GTF2F2: variants seen among roughly 807,000 people sequenced by gnomAD.
The protein encoded by GTF2F2 is general transcription factor IIF subunit 2, also known as ATP-dependent helicase GTF2F2.
GTF2F2 carries 23 observed loss-of-function variants against 42.2 expected under a neutral mutation model. The observed-to-expected ratio is 0.55, with a 90% CI of 0.39 to 0.77. The LOEUF (loss-of-function observed/expected upper bound fraction) is 0.77. Among genes scored for constraint, GTF2F2 ranks in the 30% least tolerant of loss-of-function variants. The pLI, the probability that GTF2F2 is intolerant of heterozygous loss-of-function variation, is 0.00. For missense variants in GTF2F2, 261 were observed against 287.2 expected, an observed-to-expected ratio of 0.91 and a Z score of 0.66; for synonymous variants, 105 against 100.8, an observed-to-expected ratio of 1.04 and a Z score of -0.25.
chr13:45,281,108 AT>A (rs939987666), intron 7 of GTF2F2, among the ~76,000 whole-genome samples: 8 of 152,198 alleles, frequency 5.3e-5, no homozygotes, highest in African/African-American at 1.9e-4. Flanking sequence ...GCAGACTTGC[AT>A]TTTATATTAC....
At chr13:45,163,135 A>G (rs1871116110) in intron 4 of GTF2F2, among the ~76,000 whole-genome samples, 1 of 152,128 alleles carries the variant, frequency 6.6e-6, no homozygotes, top group Non-Finnish European at 1.5e-5. Context: ...TAGCTTGAGT[A>G]GAGATTTTTT....
intron 2 of GTF2F2, among the ~76,000 whole-genome samples, chr13:45,141,577 A>T (rs1246903426): frequency 1.3e-5 from 2 of 152,164 alleles, no homozygotes; most frequent in African/African-American, 4.8e-5. Context: ...TAGTTATTCT[A>T]TGCATTACTA....
chr13:45,203,707 C>T (rs757683138), intron 4 of GTF2F2, among the ~76,000 whole-genome samples: 6 of 152,068 alleles, frequency 3.9e-5, no homozygotes, highest in Non-Finnish European at 8.8e-5. Flanking sequence ...TTTGAGCAGA[C>T]GTGTGTGGGA....
chr13:45,203,471 T>C (rs1873295691), intron 4 of GTF2F2, among the ~76,000 whole-genome samples: 1 of 152,178 alleles, frequency 6.6e-6, no homozygotes, highest in African/African-American at 2.4e-5. Flanking sequence ...ATGCAGACTC[T>C]TTCTAGACTC....
chr13:45,151,546 G>C (rs531729046), intron 3 of GTF2F2, 141 bp from the exon 4 acceptor site: 28 of 533,122 alleles, frequency 5.3e-5, no homozygotes, highest in African/African-American at 4.9e-4. Context: ...TTATGACCAA[G>C]TATTAAGGAG....
At position 45,203,943 on chromosome 13, in the gene GTF2F2, G is replaced by A. The variant is rs537736303; in HGVS notation, c.305-3481G>A. Among the ~76,000 whole-genome samples the A allele has an allele frequency of 3.3e-5, 5 of 152,204 alleles. No individual in the cohort carries two copies. The South Asian group carries it at 8.3e-4, about 25-fold the overall frequency. ...GGAACCACTGGGCAGAGGGGTCCCC[G>A]AGATCCTTTCAAGGGATCAATGATG... On this transcript the variant is annotated intron_variant, in intron 4 of 7. Transcript: ENST00000340473.
chr13:45,152,774 T>A (rs1401120544), intron 4 of GTF2F2, among the ~76,000 whole-genome samples: 1 of 152,220 alleles, frequency 6.6e-6, no homozygotes, highest in Non-Finnish European at 1.5e-5. Context: ...CACACTCAGC[T>A]TGAGTATATT....
intron 5 of GTF2F2, among the ~76,000 whole-genome samples, chr13:45,211,079 G>A (rs1014321844): frequency 6.6e-6 from 1 of 152,148 alleles, no homozygotes; most frequent in Non-Finnish European, 1.5e-5. Context: ...GTTGGTGGTG[G>A]CTCTTGTGGC....
intron 4 of GTF2F2, among the ~76,000 whole-genome samples, chr13:45,164,905 C>T (rs1225685821): frequency 3.3e-5 from 5 of 152,168 alleles, no homozygotes; most frequent in Non-Finnish European, 1.5e-5. Context: ...GGTTCTGATA[C>T]AAAGTGCCTA....
At chr13:45,149,094 T>C (rs890115529) in intron 2 of GTF2F2, among the ~76,000 whole-genome samples, 1 of 152,046 alleles carries the variant, frequency 6.6e-6, no homozygotes, top group Non-Finnish European at 1.5e-5. Context: ...ATAGATCTGG[T>C]ATTATATATG....
At chr13:45,237,101 C>T (rs1445709415) in intron 5 of GTF2F2, among the ~76,000 whole-genome samples, 1 of 151,870 alleles carries the variant, frequency 6.6e-6, no homozygotes, top group Non-Finnish European at 1.5e-5. Flanking sequence ...AAATATTATA[C>T]CTAAAGATCA....
At chr13:45,271,899 A>G (rs1230618595) in intron 7 of GTF2F2, among the ~76,000 whole-genome samples, 1 of 152,076 alleles carries the variant, frequency 6.6e-6, no homozygotes, top group South Asian at 2.1e-4. Context: ...ATCTTAGTTC[A>G]GTTTCTACTC....
intron 6 of GTF2F2, among the ~76,000 whole-genome samples, chr13:45,253,189 G>A (rs755797945): frequency 6.6e-6 from 1 of 151,484 alleles, no homozygotes; most frequent in Non-Finnish European, 1.5e-5. Flanking sequence ...GCAAAAAGAA[G>A]GCAACCACTG....
intron 4 of GTF2F2, among the ~76,000 whole-genome samples, chr13:45,164,148 C>G (rs1021620481): frequency 2.6e-5 from 4 of 152,086 alleles, no homozygotes; most frequent in Non-Finnish European, 4.4e-5. Flanking sequence ...AGCGTGGTGG[C>G]AGACACCTGT....
rs1868566099 is a variant in GTF2F2 at position 45,120,552 on chromosome 13, C to G, written c.-104C>G. On this transcript the variant is annotated 5_prime_UTR_variant, in exon 1 of 8. Coordinates refer to ENST00000340473, the MANE Select transcript of GTF2F2 (RefSeq NM_004128.3). The stretch of plus-strand genomic sequence containing the variant: ...TGGCAGGTAAGGAACGCCGGCTCTT[C>G]GCCTCTCAGCGCGGCTTGTCCTTTG... The G allele has an allele frequency of 1.3e-6, 1 of 775,184 alleles. No homozygotes were observed. Among genetic ancestry groups the G allele is most frequent in the East Asian group, 2.7e-5 (1 of 36,548 alleles). The allele number at this position is 775,184 out of a possible 1,614,324, so 48.0% of individuals were successfully genotyped here.
intron 4 of GTF2F2, chr13:45,206,637 T>G (rs1873424264): frequency 6.6e-6 from 1 of 152,210 alleles, no homozygotes; most frequent in African/African-American, 2.4e-5. Context: ...CATTTATATG[T>G]GTATTATACA....
At chr13:45,213,984 G>T (rs1873796378) in intron 5 of GTF2F2, among the ~76,000 whole-genome samples, 1 of 152,184 alleles carries the variant, frequency 6.6e-6, no homozygotes, top group Admixed American at 6.5e-5. Context: ...GACTAGAAGA[G>T]AAAGGCTTTT....
intron 4 of GTF2F2, among the ~76,000 whole-genome samples, chr13:45,171,759 T>C (rs1446631919): frequency 6.6e-6 from 1 of 152,168 alleles, no homozygotes; most frequent in African/African-American, 2.4e-5. Flanking sequence ...TCACCTGTTA[T>C]TCTCACCCCA....
chr13:45,138,190 A>G (rs1869734156), intron 2 of GTF2F2, among the ~76,000 whole-genome samples: 1 of 151,986 alleles, frequency 6.6e-6, no homozygotes, highest in Non-Finnish European at 1.5e-5. Context: ...TCTAAATGTT[A>G]TGTGACCCCA....
Sources: gnomAD v4.1 joint callset for allele counts (sites outside exome capture counted in the v4.1 genomes callset) on GRCh38, gnomAD v4.1.1 for gene constraint, MANE v1.5 for transcripts, NCBI Gene and HGNC (gene_info 2026-07-23, HGNC 2026-07-21) for gene names.